PTPN22: variants seen among roughly 807,000 people sequenced by gnomAD.
PTPN22 encodes tyrosine-protein phosphatase non-receptor type 22.
Under a neutral mutation model 103.3 loss-of-function variants are expected in PTPN22, and 85 were observed. The observed-to-expected ratio is 0.82, with a 90% CI of 0.69 to 0.99. The LOEUF (loss-of-function observed/expected upper bound fraction) is 0.99. Among genes scored for constraint, PTPN22 ranks in the 50% least tolerant of loss-of-function variants. The pLI is 0.00. For missense variants in PTPN22, 865 were observed against 936.9 expected (o/e 0.92, Z 1.00); for synonymous variants, 323 against 310.2 (o/e 1.04, Z -0.43).
chr1:113,846,699 C>T (rs193068608), intron 11 of PTPN22, among the ~76,000 whole-genome samples: 1 of 152,240 alleles, frequency 6.6e-6, no homozygotes, highest in Non-Finnish European at 1.5e-5. Context: ...ATTTCCCCTT[C>T]AGCCCTGAAG....
chr1:113,824,396 G>A lies in PTPN22; in HGVS notation c.2281+746C>T, dbSNP rs531815891. 3.9e-5 allele frequency among the ~76,000 whole-genome samples: 6 copies of A among 152,104 alleles called. No homozygotes were observed. The South Asian group carries it at 6.2e-4, about 16-fold the overall frequency. On this transcript the variant is annotated intron_variant, in intron 19 of 20. Transcript: ENST00000359785. ...ATTATAGGCATGAGCCACCACACCCGGCCATCACCATGGTTTTTATATTTT... is the reference window on the plus strand; with the variant it reads ...ATTATAGGCATGAGCCACCACACCCAGCCATCACCATGGTTTTTATATTTT...
chr1:113,825,703 A>ATGTTGTTGT (rs752873236), intron 18 of PTPN22, among the ~76,000 whole-genome samples: 3 of 151,004 alleles, frequency 2.0e-5, no homozygotes, highest in South Asian at 4.2e-4. Flanking sequence ...AGATTAATAA[A>ATGTTGTTGT]TGTTGTTGTT....
intron 20 of PTPN22, among the ~76,000 whole-genome samples, chr1:113,817,946 T>C (rs1661291906): frequency 6.6e-6 from 1 of 151,138 alleles, no homozygotes; most frequent in Non-Finnish European, 1.5e-5. Flanking sequence ...AGCTTTTTTC[T>C]TTTTCTTTTT....
At chr1:113,826,824 T>C (rs548700721) in intron 18 of PTPN22, among the ~76,000 whole-genome samples, 91 of 150,682 alleles carry the variant, frequency 6.0e-4, no homozygotes, top group Non-Finnish European at 1.2e-3. Context: ...CGCCCGCCAC[T>C]ACGCCCGGCT....
chr1:113,849,377 C>T (rs539892959), intron 10 of PTPN22, among the ~76,000 whole-genome samples: 1 of 152,276 alleles, frequency 6.6e-6, no homozygotes, highest in South Asian at 2.1e-4. Flanking sequence ...TTTGCCTGTA[C>T]TTTCTCAAGC....
chr1:113,859,381 T>C, exon 2 of PTPN22: 1 of 1,613,458 alleles, frequency 6.2e-7, no homozygotes, highest in Non-Finnish European at 8.5e-7. Context: ...TCTGTTTTTC[T>C]TGATATTCTT....
intron 10 of PTPN22, among the ~76,000 whole-genome samples, chr1:113,849,857 G>A (rs1372887003): frequency 6.6e-6 from 1 of 151,988 alleles, no homozygotes; most frequent in Non-Finnish European, 1.5e-5. Flanking sequence ...CCAAAGTGCG[G>A]AGATTATAGG....
chr1:113,824,966 C>CAAAAAAAAAAAAAAAAAAAAAAAAA (rs35424386), intron 19 of PTPN22, among the ~76,000 whole-genome samples, 176 bp downstream of exon 19: 1 of 65,152 alleles, frequency 1.5e-5, no homozygotes, highest in African/African-American at 5.9e-5. Context: ...TGAAGCCTAG[C>CAAAAAAAAAAAAAAAAAAAAAAAAA]AAAAAAAAAA....
intron 1 of PTPN22, among the ~76,000 whole-genome samples, chr1:113,861,161 A>AT (rs1250808296): frequency 3.3e-5 from 5 of 152,090 alleles, no homozygotes; most frequent in Non-Finnish European, 5.9e-5. Flanking sequence ...GAAAGATTTG[A>AT]TTTTTTTCCC....
At chr1:113,855,299 A>T (rs1340191369) in intron 7 of PTPN22, among the ~76,000 whole-genome samples, 1 of 152,116 alleles carries the variant, frequency 6.6e-6, no homozygotes. Flanking sequence ...GTTCAAGACC[A>T]ACCTGGCCAA....
chr1:113,869,047 T>C (rs1052154443), intron 1 of PTPN22, among the ~76,000 whole-genome samples: 8 of 151,976 alleles, frequency 5.3e-5, no homozygotes, highest in Non-Finnish European at 1.0e-4. Flanking sequence ...TGGAACCTTG[T>C]CTCTACTAAA....
chr1:113,859,002 C>G (rs986903886), exon 3 of PTPN22: 1 of 1,613,312 alleles, frequency 6.2e-7, no homozygotes, highest in Non-Finnish European at 8.5e-7. Context: ...TTCACTGTAC[C>G]TTAATGAAGT....
chr1:113,832,339 C>T (rs1662617915), intron 16 of PTPN22, among the ~76,000 whole-genome samples: 1 of 152,182 alleles, frequency 6.6e-6, no homozygotes, highest in African/African-American at 2.4e-5. Flanking sequence ...AGGCACCCGC[C>T]ACCACGCCCA....
intron 1 of PTPN22, among the ~76,000 whole-genome samples, chr1:113,864,940 T>C (rs908611920): frequency 2.7e-5 from 4 of 150,674 alleles, no homozygotes; most frequent in Admixed American, 1.3e-4. Flanking sequence ...TTACCAAATG[T>C]TATCTAGGTA....
intron 16 of PTPN22, among the ~76,000 whole-genome samples, chr1:113,832,378 C>T (rs1414662553): frequency 6.6e-6 from 1 of 152,164 alleles, no homozygotes; most frequent in Non-Finnish European, 1.5e-5. Context: ...CAGGGTTTCA[C>T]CATGTTGGCC....
At chr1:113,825,023 C>A in intron 19 of PTPN22, 119 bp downstream of exon 19, 1 of 630,182 alleles carries the variant, frequency 1.6e-6, no homozygotes, top group Non-Finnish European at 2.7e-6. Flanking sequence ...ATTCATAGGA[C>A]CCTATGGAGG....
exon 1 of PTPN22, chr1:113,871,707 G>A: frequency 8.6e-7 from 1 of 1,165,276 alleles, no homozygotes; most frequent in Non-Finnish European, 1.3e-6. Context: ...CCTCCAAAAA[G>A]CCACTGCTGC....
intron 19 of PTPN22, 128 bp downstream of exon 19, chr1:113,825,014 T>C (rs1661928605): frequency 3.4e-6 from 2 of 587,732 alleles, no homozygotes; most frequent in Non-Finnish European, 5.8e-6. Flanking sequence ...ATTGTTCTGA[T>C]TCATAGGACC....
intron 1 of PTPN22, among the ~76,000 whole-genome samples, chr1:113,865,028 G>A (rs895877823): frequency 1.4e-4 from 21 of 152,350 alleles, no homozygotes; most frequent in Admixed American, 5.2e-4. Context: ...GCATGGCAAG[G>A]ACAAGAAAAT....
Sources: allele counts gnomAD v4.1 joint callset (sites outside exome capture counted in the v4.1 genomes callset), GRCh38; gene constraint gnomAD v4.1.1; transcripts MANE v1.5; gene names NCBI Gene and HGNC (gene_info 2026-07-23, HGNC 2026-07-21).